WDFY2: variants seen among roughly 807,000 people sequenced by gnomAD.
WDFY2 encodes the protein WD repeat and FYVE domain-containing protein 2.
WDFY2 carries 36 observed loss-of-function variants against 56.4 expected under a neutral mutation model. The ratio of observed to expected loss-of-function variants is 0.64; its 90% CI spans 0.49 to 0.84. The LOEUF is 0.84. Among genes scored for constraint, WDFY2 ranks in the 40% least tolerant of loss-of-function variants. The probability of loss-of-function intolerance (pLI) is 0.00; values close to 1 mark genes in which losing one functional copy is unlikely to be tolerated. For synonymous variants in WDFY2, 176 were observed against 183.7 expected (o/e 0.96, Z 0.34); for missense variants, 444 against 512.2 (o/e 0.87, Z 1.29).
chr13:51,748,962 A>G (rs984028342), intron 7 of WDFY2, among the ~76,000 whole-genome samples: 28 of 152,308 alleles, frequency 1.8e-4, no homozygotes, highest in Admixed American at 5.2e-4. Context: ...CATTCTCTCG[A>G]AAGTATACAA....
At chr13:51,644,078 G>A (rs1955223984) in intron 1 of WDFY2, among the ~76,000 whole-genome samples, 1 of 150,510 alleles carries the variant, frequency 6.6e-6, no homozygotes, top group African/African-American at 2.4e-5. Context: ...GCTTCATAGG[G>A]AAAGTGGATA....
intron 4 of WDFY2, among the ~76,000 whole-genome samples, chr13:51,705,100 G>A (rs1300467154): frequency 6.6e-6 from 1 of 152,212 alleles, no homozygotes; most frequent in Admixed American, 6.5e-5. Context: ...GAGCTGCCCT[G>A]TGGAGAAGCC....
intron 3 of WDFY2, among the ~76,000 whole-genome samples, chr13:51,694,500 T>C (rs1951819167): frequency 6.6e-6 from 1 of 152,232 alleles, no homozygotes; most frequent in African/African-American, 2.4e-5. Flanking sequence ...TTAAGAATGT[T>C]GAATATTGGC....
At chr13:51,612,909 G>C (rs1043167626) in intron 1 of WDFY2, among the ~76,000 whole-genome samples, 1 of 152,170 alleles carries the variant, frequency 6.6e-6, no homozygotes, top group Non-Finnish European at 1.5e-5. Context: ...ATGTGAGTAA[G>C]GGAGTTTATT....
At chr13:51,614,011 C>G (rs1417738651) in intron 1 of WDFY2, among the ~76,000 whole-genome samples, 2 of 151,702 alleles carry the variant, frequency 1.3e-5, no homozygotes, top group Non-Finnish European at 2.9e-5. Flanking sequence ...ATAGTGAAAC[C>G]CCGTTTCTAC....
chr13:51,595,902 T>G (rs1481017562), intron 1 of WDFY2, among the ~76,000 whole-genome samples: 1 of 152,172 alleles, frequency 6.6e-6, no homozygotes, highest in Admixed American at 6.5e-5. Context: ...GGCATTTTTT[T>G]GGGGGCCAGG....
chr13:51,690,386 C>T (rs1347114240), intron 3 of WDFY2, among the ~76,000 whole-genome samples: 1 of 139,410 alleles, frequency 7.2e-6, no homozygotes, highest in Non-Finnish European at 1.5e-5. Context: ...TGATATTCCC[C>T]TTCCTGTGTC....
At chr13:51,730,517 T>C (rs1204428108) in intron 6 of WDFY2, among the ~76,000 whole-genome samples, 2 of 151,972 alleles carry the variant, frequency 1.3e-5, no homozygotes, top group Non-Finnish European at 2.9e-5. Context: ...AGTCCCAGAG[T>C]AAAATTGTCA....
chr13:51,675,008 G>A (rs114542431), intron 2 of WDFY2, among the ~76,000 whole-genome samples, 162 bp from the exon 3 acceptor site: 161 of 152,288 alleles, frequency 1.1e-3, no homozygotes, highest in African/African-American at 3.5e-3. Flanking sequence ...TGGGGTGGCT[G>A]TAAAATTACT....
chr13:51,656,192 A>G (rs1269390017), intron 1 of WDFY2, among the ~76,000 whole-genome samples: 3 of 151,128 alleles, frequency 2.0e-5, no homozygotes, highest in East Asian at 1.9e-4. Flanking sequence ...ATTTATAGCT[A>G]TACATTTCTT....
intron 1 of WDFY2, among the ~76,000 whole-genome samples, chr13:51,614,927 C>G (rs988095853): frequency 2.0e-5 from 3 of 152,126 alleles, no homozygotes; most frequent in African/African-American, 7.2e-5. Context: ...CTTTGAGTGC[C>G]TTAGCACTCT....
chr13:51,675,279 C>A, intron 3 of WDFY2, 36 bp downstream of exon 3: 1 of 1,559,212 alleles, frequency 6.4e-7, no homozygotes, highest in Non-Finnish European at 8.8e-7. Flanking sequence ...AGTTGAAATA[C>A]TTCCCTTCCT....
chr13:51,675,221 G>A lies in WDFY2; in HGVS notation c.257G>A (p.Gly86Asp). ...FNPETRRLSI[G>D]LDNGTISEFI... is the part of the protein sequence containing the mutation. Reference sequence around the variant, plus strand: ...CCGGAAACAAGAAGACTGTCCATAGGTCTAGACAATGGTACAATCTCAGTA... The same window carrying A: ...CCGGAAACAAGAAGACTGTCCATAGATCTAGACAATGGTACAATCTCAGTA... The change falls in exon 3 of 12, where the codon GGT (glycine) becomes GAT (aspartate). Residue 86 changes from glycine (G) to aspartate (D), a missense_variant. By Grantham distance (94) the Gly-to-Asp change is moderately conservative. Transcript: ENST00000298125. The A allele has an allele frequency of 6.2e-7, 1 of 1,613,742 alleles. No homozygotes were observed. The highest frequency in any genetic ancestry group is 8.5e-7 in the Non-Finnish European group (1 of 1,179,760).
chr13:51,723,736 A>G (rs1465290386), intron 5 of WDFY2, among the ~76,000 whole-genome samples: 1 of 152,180 alleles, frequency 6.6e-6, no homozygotes. Flanking sequence ...GCTGAGATTG[A>G]TTGGCAGTTC....
At chr13:51,664,350 G>A (rs1955663785) in intron 2 of WDFY2, among the ~76,000 whole-genome samples, 1 of 152,218 alleles carries the variant, frequency 6.6e-6, no homozygotes, top group African/African-American at 2.4e-5. Context: ...CAGGAATTTA[G>A]AATTTGGAGG....
chr13:51,717,872 T>C (rs1302503432), intron 4 of WDFY2, among the ~76,000 whole-genome samples: 1 of 152,208 alleles, frequency 6.6e-6, no homozygotes, highest in Non-Finnish European at 1.5e-5. Flanking sequence ...ATCAGGCATT[T>C]GTTGAATGAC....
Position 51,756,442 on chromosome 13 carries a change from C to T in WDFY2, c.1044C>T (p.His348=), listed in dbSNP as rs977119766. ...EFEVRVCDSC[H]EAITDEERAP... The stretch of plus-strand genomic sequence containing the variant: ...AAGTGAGGGTCTGTGACAGCTGCCA[C>T]GAGGCCATCACAGATGAAGAGTAAG... The change falls in exon 10 of 12, where the codon CAC becomes CAT. Residue 348 remains histidine (H), a synonymous_variant. Coordinates refer to ENST00000298125, the MANE Select transcript of WDFY2 (RefSeq NM_052950.4). The T allele has an allele frequency of 3.0e-5, 49 of 1,613,880 alleles. No homozygotes were observed. The highest frequency in any genetic ancestry group is 4.2e-5 in the Non-Finnish European group (49 of 1,179,960).
At chr13:51,695,127 A>G (rs1228722248) in intron 3 of WDFY2, among the ~76,000 whole-genome samples, 2 of 152,126 alleles carry the variant, frequency 1.3e-5, no homozygotes, top group East Asian at 1.9e-4. Flanking sequence ...TTTGGCTTGA[A>G]TTTCCTCCTG....
At chr13:51,729,276 C>T (rs1413399960) in intron 6 of WDFY2, among the ~76,000 whole-genome samples, 1 of 152,018 alleles carries the variant, frequency 6.6e-6, no homozygotes, top group Non-Finnish European at 1.5e-5. Context: ...ATGAAGTTGC[C>T]TAATAATCCC....
Sources: gnomAD v4.1 joint callset for allele counts (sites outside exome capture counted in the v4.1 genomes callset) on GRCh38, gnomAD v4.1.1 for gene constraint, MANE v1.5 for transcripts, NCBI Gene and HGNC (gene_info 2026-07-23, HGNC 2026-07-21) for gene names.